The following PIR variants were observed in gnomAD, a reference collection of about 807,000 sequenced individuals.
PIR encodes pirin.
In PIR, 22 loss-of-function variants were observed where a neutral mutation model predicts 24.2. The ratio of observed to expected loss-of-function variants is 0.91; its 90% confidence interval spans 0.65 to 1.30. The LOEUF is 1.30. Among genes scored for constraint, PIR ranks in the 50% most tolerant of loss-of-function variants. PIR has a pLI of 0.00. For synonymous variants in PIR, 80 were observed against 79.6 expected (o/e 1.00, Z -0.03); for missense variants, 220 against 220.3 (o/e 1.00, Z 0.01).
At chrX:15,441,927 G>A (rs1309708137) in intron 5 of PIR, among the ~76,000 whole-genome samples, 1 of 111,167 alleles carries the variant, frequency 9.0e-6, no homozygotes, top group African/African-American at 3.3e-5. Flanking sequence ...AGATTTTACT[G>A]GTAAGAAAGA....
At chrX:15,452,338 C>A (rs1306393564) in intron 5 of PIR, among the ~76,000 whole-genome samples, 3 of 111,473 alleles carry the variant, frequency 2.7e-5, no homozygotes, top group Non-Finnish European at 5.7e-5. Flanking sequence ...TCAAACTATC[C>A]CATTTTAACC....
intron 5 of PIR, among the ~76,000 whole-genome samples, chrX:15,448,695 C>T (rs751816019): frequency 1.4e-4 from 16 of 112,039 alleles, no homozygotes; most frequent in South Asian, 7.5e-4. Flanking sequence ...GCCTATGCAG[C>T]CTGCATCAGG....
chrX:15,428,218 G>A (rs113406660), intron 5 of PIR, among the ~76,000 whole-genome samples: 4,593 of 111,383 alleles, frequency 0.041, 245 homozygotes, highest in African/African-American at 0.14. Flanking sequence ...CAATCAATCA[G>A]AGAGCTTGAA....
chrX:15,424,202 A>T lies in PIR; in HGVS notation c.565+1704T>A, dbSNP rs747261528. Among the ~76,000 whole-genome samples, 50 of 112,549 alleles carry T rather than the reference A, an allele frequency of 4.4e-4. 1 individual carries two copies. The highest frequency in any genetic ancestry group is 3.8e-3 in the Admixed American group (40 of 10,621). On this transcript the variant is annotated intron_variant, in intron 6 of 9. Coordinates refer to ENST00000380420, the MANE Select transcript of PIR (RefSeq NM_001018109.3). ...GTAATAGATGAATGAAGAAAATGTG[A>T]TATAAATATACAATGAAATATTATT...
chrX:15,491,825 T>C (rs924543209), intron 1 of PIR, among the ~76,000 whole-genome samples: 1 of 111,168 alleles, frequency 9.0e-6, no homozygotes, highest in East Asian at 2.8e-4. Flanking sequence ...TATATCCTAC[T>C]ACACACCTAG....
At chrX:15,449,780 C>T (rs1274412207) in intron 5 of PIR, among the ~76,000 whole-genome samples, 1 of 112,120 alleles carries the variant, frequency 8.9e-6, no homozygotes, top group Non-Finnish European at 1.9e-5. Flanking sequence ...TCATAATACA[C>T]ATTAACTTGT....
chrX:15,451,937 C>T (rs1920969945), intron 5 of PIR, among the ~76,000 whole-genome samples: 1 of 111,787 alleles, frequency 8.9e-6, no homozygotes, highest in African/African-American at 3.3e-5. Context: ...CAAGTAATAG[C>T]CAACCTAATC....
intron 6 of PIR, among the ~76,000 whole-genome samples, chrX:15,407,947 G>A (rs766211033): frequency 2.9e-5 from 3 of 104,915 alleles, no homozygotes; most frequent in African/African-American, 1.1e-4. Context: ...CCTCCAGTGT[G>A]TCTGAAGTGT....
rs192194783 is a variant in PIR, at chrX:15,488,505, A to G, written c.96+2657T>C. ...GCAATGCTTATACATGGGATATGGCATAACTATTAAAATGATGTTTATGAA... is the reference window on the plus strand; with the variant it reads ...GCAATGCTTATACATGGGATATGGCGTAACTATTAAAATGATGTTTATGAA... On this transcript the variant is annotated intron_variant, in intron 2 of 9. Transcript: ENST00000380420. 3.6e-5 allele frequency among the ~76,000 whole-genome samples: 4 copies of G among 111,095 alleles called. No homozygotes were observed. In the East Asian group the frequency reaches 8.4e-4, roughly 23 times the overall value.
chrX:15,428,119 A>G (rs908748037), intron 5 of PIR, among the ~76,000 whole-genome samples: 1 of 111,439 alleles, frequency 9.0e-6, no homozygotes, highest in African/African-American at 3.3e-5. Context: ...ATACAGCTTC[A>G]AAGACTAGAA....
At chrX:15,472,825 C>T (rs1462090722) in intron 3 of PIR, among the ~76,000 whole-genome samples, 1 of 112,223 alleles carries the variant, frequency 8.9e-6, no homozygotes, top group African/African-American at 3.2e-5. Context: ...ATGATGTGTT[C>T]ATTTTCTCTT....
intron 9 of PIR, chrX:15,389,929 G>T (rs1311756129): frequency 1.5e-5 from 3 of 205,266 alleles, no homozygotes; most frequent in Non-Finnish European, 2.7e-5. Context: ...TACTATTTTT[G>T]TTCTTCCCAC....
At position 15,384,830 on chromosome X, in the gene PIR, C is replaced by CA. The variant is rs1321712949; in HGVS notation, c.*173dup. On this transcript the variant is annotated 3_prime_UTR_variant, in exon 10 of 10. Transcript: ENST00000380420. ...AAGAAACAATGATTAGGTTTATTTG[C>CA]ATGTGCCAGGAAATATCCTACATTT... 3 of 310,543 alleles carry CA rather than the reference C, an allele frequency of 9.7e-6. No individual in the cohort carries two copies. The Admixed American group carries it at 1.7e-4, about 18-fold the overall frequency. 25.6% of individuals were successfully genotyped at this position (310,543 alleles called of 1,213,427 possible). A position where few individuals can be genotyped will look rare whatever the true frequency, so the allele number is the denominator to read the frequency against.
At chrX:15,415,194 A>G (rs1167297534) in intron 6 of PIR, among the ~76,000 whole-genome samples, 1 of 111,478 alleles carries the variant, frequency 9.0e-6, no homozygotes, top group Non-Finnish European at 1.9e-5. Flanking sequence ...AAGTTACTTA[A>G]TCTCTTTGTA....
intron 7 of PIR, among the ~76,000 whole-genome samples, chrX:15,398,133 A>G (rs771362547): frequency 1.1e-3 from 119 of 110,909 alleles, no homozygotes; most frequent in Non-Finnish European, 1.9e-3. Flanking sequence ...GCATTAGGAG[A>G]TATACCTAAT....
chrX:15,464,190 A>G (rs1352902252), intron 3 of PIR: 1 of 112,885 alleles, frequency 8.9e-6, no homozygotes, highest in East Asian at 2.8e-4. Context: ...ATGTATTTAA[A>G]TGGACTCATT....
Position 15,463,097 on chromosome X carries a change from G to A in PIR, c.190-3357C>T, listed in dbSNP as rs766619701. Among the ~76,000 whole-genome samples the A allele has an allele frequency of 1.2e-4, 13 of 111,672 alleles. No individual in the cohort carries two copies. The East Asian group carries it at 2.5e-3, about 22-fold the overall frequency. ...AAGTGTCCTCTTTCTCTTTGTCTCC[G>A]TGAGAGGGACTAGCACCCGTGGTGG... On this transcript the variant is annotated intron_variant, in intron 3 of 9. Coordinates refer to ENST00000380420, the MANE Select transcript of PIR (RefSeq NM_001018109.3).
chrX:15,396,994 C>G (rs1223743629), intron 8 of PIR, among the ~76,000 whole-genome samples: 1 of 112,200 alleles, frequency 8.9e-6, no homozygotes, highest in East Asian at 2.8e-4. Flanking sequence ...CCCGCCTCGG[C>G]CTCCCAAAGT....
intron 6 of PIR, among the ~76,000 whole-genome samples, chrX:15,419,341 G>T (rs1420935410): frequency 4.0e-5 from 3 of 74,489 alleles, no homozygotes; most frequent in African/African-American, 1.9e-4. Flanking sequence ...GCATGGATAA[G>T]TCTGTGTGTG....
Sources: allele counts gnomAD v4.1 joint callset (sites outside exome capture counted in the v4.1 genomes callset), GRCh38; gene constraint gnomAD v4.1.1; transcripts MANE v1.5; gene names NCBI Gene and HGNC (gene_info 2026-07-23, HGNC 2026-07-21).